OSBPL7: variants seen among roughly 807,000 people sequenced by gnomAD.
OSBPL7 encodes the protein oxysterol-binding protein-related protein 7.
OSBPL7 carries 66 observed loss-of-function variants against 115.8 expected under a neutral mutation model. That is an observed-to-expected ratio of 0.57 (90% CI 0.47 to 0.70). The LOEUF (loss-of-function observed/expected upper bound fraction) is 0.70, where lower values mean the gene tolerates loss of function less well. OSBPL7 is among the 30% of genes least tolerant of loss of function. OSBPL7 has a pLI of 0.00. For missense variants in OSBPL7, 902 were observed against 1,125.5 expected, an observed-to-expected ratio of 0.80 and a Z score of 2.84; for synonymous variants, 441 against 439.2, an observed-to-expected ratio of 1.00 and a Z score of -0.05.
At chr17:47,809,639 G>A (rs545358317) in intron 18 of OSBPL7, among the ~76,000 whole-genome samples, 161 bp from the exon 19 acceptor site, 2 of 152,304 alleles carry the variant, frequency 1.3e-5, no homozygotes, top group South Asian at 4.2e-4. Context: ...TCACAAGGAA[G>A]AGTGGCCTTC....
chr17:47,815,359 G>T lies in OSBPL7; in HGVS notation c.1120-7C>A. On this transcript the variant is annotated splice_region_variant and splice_polypyrimidine_tract_variant and intron_variant, in intron 12 of 22. Coordinates refer to ENST00000007414, the MANE Select transcript of OSBPL7 (RefSeq NM_145798.3). ...TCATGTACAGAGCTTCTTGCTGTGG[G>T]AGCAGCCAGATGGATGTCAGGCTCC... is the stretch of plus-strand genomic sequence containing the variant. 2.5e-6 allele frequency: 4 copies of T among 1,613,230 alleles called. No homozygotes were observed. Among genetic ancestry groups the T allele is most frequent in the Non-Finnish European group, 3.4e-6 (4 of 1,179,720 alleles).
intron 2 of OSBPL7, 52 bp downstream of exon 2, chr17:47,820,152 C>A: frequency 6.2e-7 from 1 of 1,613,678 alleles, no homozygotes. Flanking sequence ...CTTGGCCCCT[C>A]CCTGTCTGGT....
chr17:47,817,414 A>T, intron 7 of OSBPL7, 55 bp from the exon 8 acceptor site: 1 of 1,315,536 alleles, frequency 7.6e-7, no homozygotes, highest in Non-Finnish European at 1.1e-6. Flanking sequence ...TTTGAGACGG[A>T]GTTTTGCTCT....
chr17:47,808,974 G>T lies in OSBPL7; in HGVS notation c.2187C>A (p.Asp729Glu). The change falls in exon 21 of 23, where the codon GAC becomes GAA. Residue 729 changes from aspartate (D) to glutamate (E), a missense_variant. By Grantham distance (45) the Asp-to-Glu change is conservative (BLOSUM62 2). This residue lies in a region of OSBPL7 where 230 missense variants were observed against 312.7 expected (regional missense o/e 0.74). Transcript: ENST00000007414. The surrounding 1 kb of genome is among the most constrained non-coding windows in gnomAD (Gnocchi z 6.1). ...CIWKPNSMPP[D>E]HERNFGFTQF... The stretch of plus-strand genomic sequence containing the variant: ...GGGTGAAGCCGAAGTTTCGCTCATG[G>T]TCGGGGGGCATTGAGTCTGGGGGAA... 6.2e-7 allele frequency: 1 copy of T among 1,614,148 alleles called. No individual in the cohort carries two copies. The highest frequency in any genetic ancestry group is 8.5e-7 in the Non-Finnish European group (1 of 1,180,028).
At chr17:47,815,659 T>C (rs2033191613) in intron 12 of OSBPL7, 1 of 380,744 alleles carries the variant, frequency 2.6e-6, no homozygotes, top group Non-Finnish European at 4.8e-6. Context: ...ACACCTACCC[T>C]GTGAGGTAGG....
intron 4 of OSBPL7, 58 bp downstream of exon 4, chr17:47,819,671 C>G: frequency 6.2e-7 from 1 of 1,602,842 alleles, no homozygotes; most frequent in Non-Finnish European, 8.5e-7. Flanking sequence ...CCCATGCCTG[C>G]CCAGGGCATA....
chr17:47,813,948 C>T (rs1567941528), intron 14 of OSBPL7, 114 bp from the exon 15 acceptor site: 3 of 1,364,368 alleles, frequency 2.2e-6, no homozygotes, highest in Admixed American at 2.6e-5. Flanking sequence ...GACATTCGCC[C>T]CTGAGCCCTT....
intron 14 of OSBPL7, 133 bp from the exon 15 acceptor site, chr17:47,813,967 T>A: frequency 1.6e-6 from 2 of 1,230,000 alleles, no homozygotes; most frequent in East Asian, 2.6e-5. Context: ...TTGTCTCGAC[T>A]CACAGCAGGG....
rs1026508687 is a variant in OSBPL7 at position 47,809,495 on chromosome 17, A to T, written c.1881-17T>A. The T allele has an allele frequency of 6.2e-7, 1 of 1,604,044 alleles. No homozygotes were observed. The highest frequency in any genetic ancestry group is 1.3e-5 in the African/African-American group (1 of 74,786). On this transcript the variant is annotated splice_polypyrimidine_tract_variant and intron_variant, in intron 18 of 22. Transcript: ENST00000007414. The stretch of plus-strand genomic sequence containing the variant: ...TCCCCAAACCTGAGAAAGACAAGGT[A>T]TGGAAGGGCAGCTGGCTGGCCCCAG...
chr17:47,817,085 G>A (rs1208674148), intron 8 of OSBPL7, 171 bp downstream of exon 8: 3 of 699,896 alleles, frequency 4.3e-6, no homozygotes. Context: ...GGGCATGGAG[G>A]AACAGAGACA....
At chr17:47,815,455 G>T in intron 12 of OSBPL7, 103 bp from the exon 13 acceptor site, 1 of 1,494,272 alleles carries the variant, frequency 6.7e-7, no homozygotes, top group Non-Finnish European at 9.0e-7. Flanking sequence ...AGGCATAACC[G>T]GGCACTTTTG....
In OSBPL7 at chr17:47,808,497, G is replaced by A. The variant is rs1469620528; in HGVS notation, c.2420+41C>T. ...CCACACCTGCCCTGCTCCAAGCAGG[G>A]CTCATGGGGAGACCCAGGGCGGAGG... is the stretch of plus-strand genomic sequence containing the variant. On this transcript the variant is annotated intron_variant, in intron 22 of 22. Coordinates refer to ENST00000007414, the MANE Select transcript of OSBPL7 (RefSeq NM_145798.3). This position sits in a 1 kb window ranked among gnomAD's most constrained non-coding sequence, Gnocchi z 6.1. 2 of 1,613,986 alleles carry A rather than the reference G, an allele frequency of 1.2e-6. No individual in the cohort carries two copies. Among genetic ancestry groups the A allele is most frequent in the Admixed American group, 1.7e-5 (1 of 59,998 alleles).
chr17:47,820,182 C>T (rs2033355327), intron 2 of OSBPL7, 22 bp downstream of exon 2: 1 of 1,613,884 alleles, frequency 6.2e-7, no homozygotes, highest in African/African-American at 1.3e-5. Flanking sequence ...GCCCACCCAC[C>T]ACCGCTTTCC....
chr17:47,814,236 T>C (rs1324965016), intron 14 of OSBPL7, among the ~76,000 whole-genome samples: 1 of 152,206 alleles, frequency 6.6e-6, no homozygotes, highest in East Asian at 1.9e-4. Context: ...GCCACACTGC[T>C]AACAAGCAGC....
chr17:47,819,463 C>T lies in OSBPL7; in HGVS notation c.255+266G>A. 5.1e-6 allele frequency: 3 copies of T among 585,128 alleles called. No individual in the cohort carries two copies. The South Asian group carries it at 6.3e-5, about 12-fold the overall frequency. The allele number at this position is 585,128 out of a possible 1,614,324, so 36.2% of individuals were successfully genotyped here. A position where few individuals can be genotyped will look rare whatever the true frequency, so the allele number is the denominator to read the frequency against. On this transcript the variant is annotated intron_variant, in intron 4 of 22. Coordinates refer to ENST00000007414, the MANE Select transcript of OSBPL7 (RefSeq NM_145798.3). Reference sequence around the variant, plus strand: ...GATGAGGGTGGTAAAGCCCCCATTTCTTGGGCACTTATTCTGCCCTGTCCA... The same window carrying T: ...GATGAGGGTGGTAAAGCCCCCATTTTTTGGGCACTTATTCTGCCCTGTCCA...
At position 47,816,655 on chromosome 17, in the gene OSBPL7, T is replaced by G; in HGVS notation, c.836A>C (p.Tyr279Ser). The G allele has an allele frequency of 6.2e-7, 1 of 1,613,768 alleles. No individual in the cohort carries two copies. Among genetic ancestry groups the G allele is most frequent in the Non-Finnish European group, 8.5e-7 (1 of 1,179,958 alleles). ...GCCCGAGGAGTCCCGAGACTCCAGG[T>G]AGCGAGACAGGTTGGGAACAGAGCC... ...LHGSVPNLSR[Y>S]LESRDSSGTR... The change falls in exon 10 of 23, where the codon TAC (tyrosine) becomes TCC (serine). Residue 279 changes from tyrosine (Y) to serine (S), a missense_variant. Transcript: ENST00000007414. The surrounding 1 kb of genome is among the most constrained non-coding windows in gnomAD (Gnocchi z 5.8).
rs572312153 is a variant in OSBPL7, at chr17:47,816,520, G to A, written c.929-38C>T. ...GGGCAGACCATCAGAGTCCTCGCTC[G>A]CTCCTGTCCGCTCCCCACCAGCCCC... On this transcript the variant is annotated intron_variant, in intron 10 of 22. Transcript: ENST00000007414. This position sits in a 1 kb window ranked among gnomAD's most constrained non-coding sequence, Gnocchi z 5.8. 1.9e-5 allele frequency: 30 copies of A among 1,574,942 alleles called. No homozygotes were observed. In the Admixed American group the frequency reaches 2.6e-4, roughly 14 times the overall value.
At chr17:47,809,665 C>A (rs189735098) in intron 18 of OSBPL7, among the ~76,000 whole-genome samples, 187 bp from the exon 19 acceptor site, 1 of 152,156 alleles carries the variant, frequency 6.6e-6, no homozygotes, top group Admixed American at 6.5e-5. Context: ...ACGTATTCAA[C>A]GAAAACATCT....
In OSBPL7 at chr17:47,818,587, C is replaced by T; in HGVS notation, c.399G>A (p.Trp133Ter). The T allele has an allele frequency of 6.2e-7, 1 of 1,613,154 alleles. No homozygotes were observed. Among genetic ancestry groups the T allele is most frequent in the African/African-American group, 1.3e-5 (1 of 75,056 alleles). Reference sequence around the variant, plus strand: ...GGCGGTGGGCACGCAGCTGCGCCACCCAGCTCTGGAATAGGTCCTGGGATT... The same window carrying T: ...GGCGGTGGGCACGCAGCTGCGCCACTCAGCTCTGGAATAGGTCCTGGGATT... ...KIKSQDLFQS[W>*]VAQLRAHRLA... is the part of the protein sequence containing the mutation. The change falls in exon 6 of 23, where the codon TGG becomes TGA. Residue 133 changes from tryptophan to a stop codon, truncating the protein, a stop_gained. Coordinates refer to ENST00000007414, the MANE Select transcript of OSBPL7 (RefSeq NM_145798.3). LOFTEE classifies it high-confidence loss of function.
Sources: gnomAD v4.1 joint callset for allele counts (sites outside exome capture counted in the v4.1 genomes callset) on GRCh38, gnomAD v4.1.1 for gene constraint, gnomAD v4.1.1 regional missense constraint, Gnocchi (gnomAD v3.1) non-coding constraint, MANE v1.5 for transcripts, NCBI Gene and HGNC (gene_info 2026-07-23, HGNC 2026-07-21) for gene names.